Variants in PAK6 observed in about 807,000 individuals in gnomAD.
PAK6 encodes the protein p21 (RAC1) activated kinase 6.
A neutral mutation model predicts 60.8 loss-of-function variants in PAK6; 33 were observed. The ratio of observed to expected loss-of-function variants is 0.54; its 90% CI spans 0.41 to 0.73. The LOEUF (loss-of-function observed/expected upper bound fraction) is 0.73, where lower values mean the gene tolerates loss of function less well. Among genes scored for constraint, PAK6 ranks in the 30% least tolerant of loss-of-function variants. The probability of loss-of-function intolerance (pLI) is 0.00; values close to 1 mark genes in which losing one functional copy is unlikely to be tolerated. For missense variants in PAK6, 845 were observed against 904.1 expected (o/e 0.93, Z 0.84); for synonymous variants, 404 against 378.5 (o/e 1.07, Z -0.78).
Position 40,273,694 on chromosome 15 carries a change from C to A in PAK6, c.1743+18C>A, listed in dbSNP as rs374039552. 3.0e-5 allele frequency: 49 copies of A among 1,609,236 alleles called. No individual in the cohort carries two copies. The African/African-American group carries it at 6.3e-4, about 21-fold the overall frequency. On this transcript the variant is annotated intron_variant, in intron 9 of 10. Coordinates refer to ENST00000560346, the Ensembl canonical transcript of PAK6. ...CCACTGAGGTAACCGTTCCCTCCAC[C>A]CCCCAGACCTCCCAAAAGCAACTTG...
chr15:40,257,378 G>A (rs546523871), intron 3 of PAK6, among the ~76,000 whole-genome samples: 53 of 152,344 alleles, frequency 3.5e-4, no homozygotes, highest in Admixed American at 8.5e-4. Flanking sequence ...GAATCCCTTC[G>A]GTGGGCTGTG....
At chr15:40,265,043 A>C in intron 4 of PAK6, 54 bp downstream of exon 4, 3 of 1,529,104 alleles carry the variant, frequency 2.0e-6, no homozygotes, top group Non-Finnish European at 2.7e-6. Context: ...TCAGACAACC[A>C]TGCCTGGCTA....
At position 40,266,459 on chromosome 15, in the gene PAK6, AAGC is replaced by A. The variant is rs1271506679; in HGVS notation, c.830_832del (p.Ser277del). 4 of 1,611,036 alleles carry A rather than the reference AAGC, an allele frequency of 2.5e-6. No homozygotes were observed. The African/African-American group carries it at 5.3e-5, about 22-fold the overall frequency. ...TGTCCACTGCTGCCACAGCCCCTCC[AAGC>A]AGCAGCAAGCCAGGCCCTCCACCAC... On this transcript the variant is annotated inframe_deletion, in exon 5 of 11. Transcript: ENST00000560346.
chr15:40,242,603 G>A (rs1263855609), intron 2 of PAK6, among the ~76,000 whole-genome samples: 1 of 152,168 alleles, frequency 6.6e-6, no homozygotes, highest in African/African-American at 2.4e-5. Context: ...CATTGCAAAT[G>A]GAAGCTTCTG....
intron 2 of PAK6, among the ~76,000 whole-genome samples, chr15:40,241,710 G>C (rs1182722735): frequency 6.6e-6 from 1 of 152,218 alleles, no homozygotes; most frequent in Non-Finnish European, 1.5e-5. Context: ...AGGACAAACT[G>C]ATGCTTTGTG....
chr15:40,265,954 C>A, exon 5 of PAK6: 1 of 1,606,186 alleles, frequency 6.2e-7, no homozygotes, highest in Non-Finnish European at 8.5e-7. Context: ...CGCAGCCCCA[C>A]CAGCCGGCGG....
At chr15:40,263,017 G>A (rs1246321321) in intron 3 of PAK6, among the ~76,000 whole-genome samples, 1 of 152,128 alleles carries the variant, frequency 6.6e-6, no homozygotes, top group Non-Finnish European at 1.5e-5. Context: ...CGAACCTCAA[G>A]ACCCAGAAGC....
chr15:40,261,451 C>T (rs1443135321), intron 3 of PAK6, among the ~76,000 whole-genome samples: 1 of 152,024 alleles, frequency 6.6e-6, no homozygotes, highest in Non-Finnish European at 1.5e-5. Context: ...GCAGGAGAAT[C>T]ACTTGAACCC....
chr15:40,271,348 C>T (rs1004887029), intron 5 of PAK6, among the ~76,000 whole-genome samples: 4 of 152,184 alleles, frequency 2.6e-5, no homozygotes, highest in Non-Finnish European at 4.4e-5. Context: ...TGCCCCTCAG[C>T]TCCACCTTCC....
At position 40,240,562 on chromosome 15, in the gene PAK6, CT is replaced by C. The variant is rs10624794; in HGVS notation, c.-200-16del. 6.0e-3 allele frequency: 1,927 copies of C among 320,026 alleles called. 1 individual carries two copies. The highest frequency in any genetic ancestry group is 0.01 in the Middle Eastern group (9 of 876). 19.8% of individuals were successfully genotyped at this position (320,026 alleles called of 1,614,324 possible). ...AGAAAAGCACTGAGGTTTTCTTTTC[CT>C]TTTTTTTTTTTTTTTTTTTTCTATT... On this transcript the variant is annotated intron_variant, in intron 1 of 10. Transcript: ENST00000560346.
At chr15:40,250,578 T>C (rs1446928714) in intron 2 of PAK6, 4 of 152,190 alleles carry the variant, frequency 2.6e-5, no homozygotes, top group Non-Finnish European at 5.9e-5. Flanking sequence ...CCTAGAGTTA[T>C]TCTCTATAGG....
chr15:40,273,130 G>A, intron 7 of PAK6, 131 bp downstream of exon 7: 3 of 1,271,166 alleles, frequency 2.4e-6, no homozygotes, highest in Non-Finnish European at 3.2e-6. Context: ...TGGGGTAACT[G>A]AGACCCAGGG....
Position 40,273,342 on chromosome 15 carries a change from C to T in PAK6, c.1491-4C>T, listed in dbSNP as rs767462834. ...TCATCGGGTGGCCCCACCTTCCTGT[C>T]CAGGCTGAATGAGGAGCAGATTGCC... On this transcript the variant is annotated splice_polypyrimidine_tract_variant and splice_region_variant and intron_variant, in intron 7 of 10. Coordinates refer to ENST00000560346, the Ensembl canonical transcript of PAK6. 7 of 1,613,120 alleles carry T rather than the reference C, an allele frequency of 4.3e-6. No homozygotes were observed. Among genetic ancestry groups the T allele is most frequent in the Non-Finnish European group, 5.9e-6 (7 of 1,179,624 alleles).
intron 3 of PAK6, among the ~76,000 whole-genome samples, chr15:40,262,805 C>T (rs2039017189): frequency 2.0e-5 from 3 of 152,236 alleles, no homozygotes; most frequent in Admixed American, 6.5e-5. Context: ...TTACTTCACA[C>T]ACCCTAAACC....
exon 6 of PAK6, chr15:40,272,361 C>T: frequency 6.2e-7 from 1 of 1,613,798 alleles, no homozygotes; most frequent in Non-Finnish European, 8.5e-7. Flanking sequence ...CCCAGAAGTC[C>T]CTCCGCACAG....
chr15:40,245,747 C>G (rs1373922295), intron 2 of PAK6: 1 of 152,354 alleles, frequency 6.6e-6, no homozygotes, highest in Admixed American at 6.5e-5. Context: ...GGCCACACAG[C>G]TAACTAATGG....
At chr15:40,266,383 C>G (rs752100756) in exon 5 of PAK6, 1 of 1,613,066 alleles carries the variant, frequency 6.2e-7, no homozygotes, top group African/African-American at 1.3e-5. Context: ...AGCCCTAGCC[C>G]TAAGACCCGG....
chr15:40,250,949 G>A (rs2140952535), intron 2 of PAK6: 1 of 152,702 alleles, frequency 6.5e-6, no homozygotes, highest in East Asian at 1.9e-4. Context: ...GTGTACCCAT[G>A]TCCTTGGGTA....
chr15:40,242,577 G>C lies in PAK6; in HGVS notation c.-118+1896G>C, dbSNP rs533572147. On this transcript the variant is annotated intron_variant, in intron 2 of 10. Coordinates refer to ENST00000560346, the Ensembl canonical transcript of PAK6. ...TTGGTAGAAAGAGGTGGACTAGCCAGCAGGTTGGGGAGGAGCATTGCAAAT... is the reference window on the plus strand; with the variant it reads ...TTGGTAGAAAGAGGTGGACTAGCCACCAGGTTGGGGAGGAGCATTGCAAAT... Among the ~76,000 whole-genome samples the C allele has an allele frequency of 1.4e-3, 206 of 152,316 alleles. 1 individual carries two copies. Among genetic ancestry groups the C allele is most frequent in the Non-Finnish European group, 2.6e-3 (177 of 68,020 alleles).
Sources: gnomAD v4.1 joint callset for allele counts (sites outside exome capture counted in the v4.1 genomes callset) on GRCh38, gnomAD v4.1.1 for gene constraint, MANE v1.5 for transcripts, NCBI Gene and HGNC (gene_info 2026-07-23, HGNC 2026-07-21) for gene names.